HRK: variants seen among roughly 807,000 people sequenced by gnomAD.
HRK encodes the protein activator of apoptosis harakiri.
Under a neutral mutation model 5.9 loss-of-function variants are expected in HRK, and 6 were observed. The ratio of observed to expected loss-of-function variants is 1.02; its 90% confidence interval spans 0.56 to 2.01. The LOEUF is 2.01. Ranked by LOEUF, HRK falls within the 30% of genes most tolerant of loss-of-function variation. The probability of loss-of-function intolerance (pLI) is 0.00; values close to 1 mark genes in which losing one functional copy is unlikely to be tolerated. For synonymous variants in HRK, 85 were observed against 65.1 expected (o/e 1.31, Z -1.47); for missense variants, 133 against 128.3 (o/e 1.04, Z -0.18).
In HRK at chr12:116,881,083, G is replaced by A. The variant is rs1323032829; in HGVS notation, c.225C>T (p.Ala75=). ...AGGCCGCCAGCGCCGCCACCTGCGC[G>A]GCCGCGCACAGCCAAGGCCAGTAGG... ...LPTYWPWLCA[A]AQVAALAAWL... The change falls in exon 1 of 2, where the codon GCC becomes GCT. Residue 75 remains alanine, a synonymous_variant. Transcript: ENST00000257572. 4 of 1,343,250 alleles carry A rather than the reference G, an allele frequency of 3.0e-6. No individual in the cohort carries two copies. Among genetic ancestry groups the A allele is most frequent in the South Asian group, 3.8e-5 (2 of 53,176 alleles). 83.2% of individuals were successfully genotyped at this position (1,343,250 alleles called of 1,614,324 possible). A position where few individuals can be genotyped will look rare whatever the true frequency, so the allele number is the denominator to read the frequency against.
chr12:116,866,327 CA>C (rs1878545389), intron 1 of HRK, among the ~76,000 whole-genome samples: 1 of 146,012 alleles, frequency 6.8e-6, no homozygotes, highest in South Asian at 2.2e-4. Flanking sequence ...GTGGCTGAGG[CA>C]GGAGGATTGC....
intron 1 of HRK, among the ~76,000 whole-genome samples, chr12:116,876,516 T>C (rs1878934782): frequency 6.6e-6 from 1 of 152,164 alleles, no homozygotes; most frequent in South Asian, 2.1e-4. Flanking sequence ...CGTCGCCTTA[T>C]GGGCCTGCGG....
chr12:116,865,234 C>T lies in HRK; in HGVS notation c.*57-3768G>A, dbSNP rs114334174. Among the ~76,000 whole-genome samples, 1,000 of 152,208 alleles carry T rather than the reference C, an allele frequency of 6.6e-3. 11 individuals are homozygous for T. The highest frequency in any genetic ancestry group is 0.023 in the African/African-American group (938 of 41,518). The stretch of plus-strand genomic sequence containing the variant: ...CTCTTGGATTCCCTCCTAAGAGGCC[C>T]CAATTTTTAATTAAAAAAAAACCTT... On this transcript the variant is annotated intron_variant, in intron 1 of 1. Coordinates refer to ENST00000257572, the MANE Select transcript of HRK (RefSeq NM_003806.4).
chr12:116,856,526 A>C lies in HRK; in HGVS notation c.*4997T>G, dbSNP rs1878153449. The C allele has an allele frequency of 6.6e-6, 1 of 152,252 alleles. No homozygotes were observed. The highest frequency in any genetic ancestry group is 6.5e-5 in the Admixed American group (1 of 15,278). 9.4% of individuals were successfully genotyped at this position (152,252 alleles called of 1,614,324 possible). A position where few individuals can be genotyped will look rare whatever the true frequency, so the allele number is the denominator to read the frequency against. On this transcript the variant is annotated 3_prime_UTR_variant, in exon 2 of 2. Transcript: ENST00000257572. This position sits in a 1 kb window ranked among gnomAD's most constrained non-coding sequence, Gnocchi z 4.4. ...TTGCACCTTCCCCGGGGCCTTATAG[A>C]AACCAGGAACACAGGGTTAGGGCAT...
intron 1 of HRK, among the ~76,000 whole-genome samples, chr12:116,866,739 CG>C (rs1205678558): frequency 4.6e-5 from 7 of 152,244 alleles, no homozygotes; most frequent in African/African-American, 1.4e-4. Context: ...TAGGAACTTA[CG>C]GCAGGTGGGC....
intron 1 of HRK, among the ~76,000 whole-genome samples, chr12:116,865,800 G>A (rs370004793): frequency 7.0e-4 from 107 of 152,116 alleles, no homozygotes; most frequent in African/African-American, 2.3e-3. Context: ...CCAGCACAAC[G>A]CCCAGCGTAT....
At chr12:116,873,370 A>T (rs1446793421) in intron 1 of HRK, among the ~76,000 whole-genome samples, 1 of 152,118 alleles carries the variant, frequency 6.6e-6, no homozygotes, top group Non-Finnish European at 1.5e-5. Context: ...TCATCAAGAA[A>T]AAGTTATTTA....
chr12:116,878,812 T>C lies in HRK; in HGVS notation c.*56+2164A>G, dbSNP rs1344202018. 6.6e-6 allele frequency among the ~76,000 whole-genome samples: 1 copy of C among 151,866 alleles called. No individual in the cohort carries two copies. Among genetic ancestry groups the C allele is most frequent in the African/African-American group, 2.4e-5 (1 of 41,322 alleles). On this transcript the variant is annotated intron_variant, in intron 1 of 1. Coordinates refer to ENST00000257572, the MANE Select transcript of HRK (RefSeq NM_003806.4). This position sits in a 1 kb window ranked among gnomAD's most constrained non-coding sequence, Gnocchi z 4.4. ...GGTGTGGGAAGAGGGTGTCTCCGAG[T>C]CAGGGCGCAGCACGGAAGTAACTCT... is the stretch of plus-strand genomic sequence containing the variant.
intron 1 of HRK, among the ~76,000 whole-genome samples, chr12:116,866,753 T>C (rs1878561601): frequency 6.6e-6 from 1 of 152,014 alleles, no homozygotes; most frequent in African/African-American, 2.4e-5. Context: ...AGGTGGGCCT[T>C]GGAAGCCCAA....
At chr12:116,866,094 G>T (rs1878535620) in intron 1 of HRK, among the ~76,000 whole-genome samples, 1 of 147,770 alleles carries the variant, frequency 6.8e-6, no homozygotes, top group South Asian at 2.1e-4. Context: ...GGAGGCAGAG[G>T]TTGCAGTGAA....
Position 116,881,162 on chromosome 12 carries a change from A to G in HRK, c.146T>C (p.Met49Thr), listed in dbSNP as rs1483842843. 8.5e-6 allele frequency: 10 copies of G among 1,174,620 alleles called. No individual in the cohort carries two copies. The highest frequency in any genetic ancestry group is 3.5e-4 in the Middle Eastern group (1 of 2,868). 72.8% of individuals were successfully genotyped at this position (1,174,620 alleles called of 1,614,324 possible). The change falls in exon 1 of 2, where the codon ATG becomes ACG. Residue 49 changes from methionine (M) to threonine (T), a missense_variant. By Grantham distance (81) the Met-to-Thr change is moderately conservative. Transcript: ENST00000257572. Reference protein sequence around the residue: ...ALGDELHQRTMWRRRARSRRA... With the variant: ...ALGDELHQRTTWRRRARSRRA... ...CCGGCTCCGCGCGCGGCGCCGCCACATGGTGCGCTGGTGCAGCTCGTCGCC... is the reference window on the plus strand; with the variant it reads ...CCGGCTCCGCGCGCGGCGCCGCCACGTGGTGCGCTGGTGCAGCTCGTCGCC...
In HRK at chr12:116,880,994, G is replaced by C. The variant is rs1316142341; in HGVS notation, c.*38C>G. 3.7e-5 allele frequency: 47 copies of C among 1,279,836 alleles called. No homozygotes were observed. Among genetic ancestry groups the C allele is most frequent in the Non-Finnish European group, 4.4e-5 (44 of 1,009,078 alleles). The allele number at this position is 1,279,836 out of a possible 1,614,324, so 79.3% of individuals were successfully genotyped here. On this transcript the variant is annotated 3_prime_UTR_variant, in exon 1 of 2. Coordinates refer to ENST00000257572, the MANE Select transcript of HRK (RefSeq NM_003806.4). ...CGCGTACCTGTTGCTCGCTCCGGCT[G>C]GGTCTCGGCTCCGGCCCCACCAAGA...
intron 1 of HRK, among the ~76,000 whole-genome samples, chr12:116,861,872 T>C (rs1378404442): frequency 6.6e-6 from 1 of 152,228 alleles, no homozygotes; most frequent in Non-Finnish European, 1.5e-5. Context: ...GAGAGAGTTG[T>C]AGGGCAGTCT....
chr12:116,874,441 G>A (rs1166118111), intron 1 of HRK, among the ~76,000 whole-genome samples: 1 of 152,134 alleles, frequency 6.6e-6, no homozygotes, highest in Non-Finnish European at 1.5e-5. Context: ...AGGAGTCCCT[G>A]GGGCACTCTC....
At chr12:116,866,895 T>C (rs1223287545) in intron 1 of HRK, among the ~76,000 whole-genome samples, 4 of 152,190 alleles carry the variant, frequency 2.6e-5, no homozygotes, top group Non-Finnish European at 4.4e-5. Context: ...TAAGATAATG[T>C]TGCCCATGTC....
chr12:116,880,645 CT>C (rs1879111408), intron 1 of HRK, among the ~76,000 whole-genome samples: 3 of 152,234 alleles, frequency 2.0e-5, no homozygotes, highest in East Asian at 1.9e-4. Context: ...AGCAAGCACA[CT>C]TTTTACTTGC....
intron 1 of HRK, among the ~76,000 whole-genome samples, chr12:116,874,301 C>A (rs1878858891): frequency 2.0e-5 from 3 of 152,154 alleles, no homozygotes; most frequent in African/African-American, 7.2e-5. Flanking sequence ...GGCCACTGGA[C>A]TTAGCTCTCT....
At chr12:116,865,324 C>G (rs1051881113) in intron 1 of HRK, among the ~76,000 whole-genome samples, 8 of 151,868 alleles carry the variant, frequency 5.3e-5, no homozygotes, top group African/African-American at 1.7e-4. Flanking sequence ...GCCAGAAGTT[C>G]GAGACCAGCC....
intron 1 of HRK, among the ~76,000 whole-genome samples, chr12:116,875,583 G>T (rs146646703): frequency 1.3e-5 from 2 of 151,750 alleles, no homozygotes; most frequent in East Asian, 3.9e-4. Context: ...TCATTCTGTC[G>T]CCCAGGCTAG....
Sources: gnomAD v4.1 joint callset for allele counts (sites outside exome capture counted in the v4.1 genomes callset) on GRCh38, gnomAD v4.1.1 for gene constraint, Gnocchi (gnomAD v3.1) non-coding constraint, MANE v1.5 for transcripts, NCBI Gene and HGNC (gene_info 2026-07-23, HGNC 2026-07-21) for gene names.